Variants in MAN2A2 observed in about 807,000 individuals in gnomAD.
MAN2A2 encodes alpha-mannosidase 2x.
MAN2A2 carries 79 observed loss-of-function variants against 126.8 expected under a neutral mutation model. The ratio of observed to expected loss-of-function variants is 0.62; its 90% confidence interval spans 0.52 to 0.75. MAN2A2 has a LOEUF of 0.75. Among genes scored for constraint, MAN2A2 ranks in the 30% least tolerant of loss-of-function variants. The pLI, the probability that MAN2A2 is intolerant of heterozygous loss-of-function variation, is 0.00. For missense variants in MAN2A2, 1,392 were observed against 1,522.4 expected (o/e 0.91, Z 1.43); for synonymous variants, 671 against 618.7 (o/e 1.08, Z -1.25).
rs139860103 is a variant in MAN2A2 at position 90,910,630 on chromosome 15, C to T, written c.1707C>T (p.His569=). ...GCACATTGGGGCTCTTCCAGCATCA[C>T]GATGCCATCACTGGCACGGCCAAGG... The part of the protein sequence containing the change: ...ARRTLGLFQH[H]DAITGTAKEA... Residue 569 remains histidine (H), a synonymous_variant, in exon 11 of 23, where the codon CAC becomes CAT. Transcript: ENST00000559717. 0.014 allele frequency: 22,935 copies of T among 1,614,180 alleles called. 232 individuals carry two copies. Among genetic ancestry groups the T allele is most frequent in the Middle Eastern group, 0.019 (113 of 6,062 alleles).
At chr15:90,914,035 GA>G (rs956288407) in intron 19 of MAN2A2, among the ~76,000 whole-genome samples, 1 of 151,908 alleles carries the variant, frequency 6.6e-6, no homozygotes, top group Non-Finnish European at 1.5e-5. Context: ...CCAAAGAAAG[GA>G]AAAAAAATGT....
Position 90,912,655 on chromosome 15 carries a change from C to T in MAN2A2, c.2460C>T (p.Gly820=), listed in dbSNP as rs756715398. 8.7e-6 allele frequency: 14 copies of T among 1,613,956 alleles called. No individual in the cohort carries two copies. Among genetic ancestry groups the T allele is most frequent in the East Asian group, 4.5e-5 (2 of 44,890 alleles). The change falls in exon 16 of 23, where the codon GGC becomes GGT. Residue 820 remains glycine, a synonymous_variant. Coordinates refer to ENST00000559717, the MANE Select transcript of MAN2A2 (RefSeq NM_006122.4). ...GAGCCTACCTCTTCCTGCCCGATGG[C>T]GAGGCCAAGGTATCCTAAAGATGCC... is the stretch of plus-strand genomic sequence containing the variant. The part of the protein sequence containing the change: ...KSGAYLFLPD[G]EAKPYVPKEP...
intron 20 of MAN2A2, among the ~76,000 whole-genome samples, chr15:90,916,984 A>T (rs745732751): frequency 1.3e-5 from 2 of 152,108 alleles, no homozygotes; most frequent in Non-Finnish European, 2.9e-5. Flanking sequence ...GGCTTTGATG[A>T]ATGGGGTGTG....
Position 90,906,366 on chromosome 15 carries a change from A to G in MAN2A2, c.708-4A>G. ...CCGTCCTGAGTGTGAGTCCTTAACT[A>G]TAGGCTGGTGGGAAACGGGCAGCTG... On this transcript the variant is annotated splice_polypyrimidine_tract_variant and splice_region_variant and intron_variant, in intron 5 of 22. Coordinates refer to ENST00000559717, the MANE Select transcript of MAN2A2 (RefSeq NM_006122.4). 6.2e-7 allele frequency: 1 copy of G among 1,614,058 alleles called. No individual in the cohort carries two copies. The highest frequency in any genetic ancestry group is 8.5e-7 in the Non-Finnish European group (1 of 1,179,958).
rs764345440 is a variant in MAN2A2 at position 90,912,637 on chromosome 15, C to T, written c.2442C>T (p.Tyr814=). The T allele has an allele frequency of 1.9e-6, 3 of 1,614,176 alleles. No individual in the cohort carries two copies. Among genetic ancestry groups the T allele is most frequent in the South Asian group, 1.1e-5 (1 of 91,090 alleles). Residue 814 remains tyrosine (Y), a synonymous_variant, in exon 16 of 23, where the codon TAC becomes TAT. Transcript: ENST00000559717. Reference sequence around the variant, plus strand: ...CGTCCAAAGACAAGAGTGGAGCCTACCTCTTCCTGCCCGATGGCGAGGCCA... The same window carrying T: ...CGTCCAAAGACAAGAGTGGAGCCTATCTCTTCCTGCCCGATGGCGAGGCCA... ...TRTSKDKSGA[Y]LFLPDGEAKP...
chr15:90,913,301 A>G lies in MAN2A2; in HGVS notation c.2613A>G (p.Ser871=), dbSNP rs77668747. The change falls in exon 18 of 23, where the codon TCA becomes TCG. Residue 871 remains serine, a synonymous_variant. Transcript: ENST00000559717. ...TGGAGGGGCTGTCTCTGGACATATCATCCCTGGTGGACATCCGGGACTACG... is the reference window on the plus strand; with the variant it reads ...TGGAGGGGCTGTCTCTGGACATATCGTCCCTGGTGGACATCCGGGACTACG... ...PGVEGLSLDI[S]SLVDIRDYVN... 4.6e-4 allele frequency: 735 copies of G among 1,613,988 alleles called. 9 individuals carry two copies. The African/African-American group carries it at 8.5e-3, about 19-fold the overall frequency.
intron 1 of MAN2A2, 88 bp from the exon 2 acceptor site, chr15:90,904,102 G>A (rs1463459900): frequency 6.9e-7 from 1 of 1,442,112 alleles, no homozygotes; most frequent in Non-Finnish European, 9.7e-7. Context: ...CTTTGGAACA[G>A]CCCTCAGGAA....
chr15:90,904,270 G>A lies in MAN2A2; in HGVS notation c.63G>A (p.Ser21=), dbSNP rs775713748. Residue 21 remains serine, a synonymous_variant, in exon 2 of 23, where the codon TCG becomes TCA. Transcript: ENST00000559717. ...CCATCTTCTGTGTGGCAGTCTTCTC[G>A]CTCTACCTCATGCTGGACCGAGTGC... The part of the protein sequence containing the change: ...GAAIFCVAVF[S]LYLMLDRVQH... 23 of 1,614,060 alleles carry A rather than the reference G, an allele frequency of 1.4e-5. No individual in the cohort carries two copies. In the Admixed American group the frequency reaches 2.2e-4, roughly 15 times the overall value.
At chr15:90,908,353 C>T (rs984300383) in intron 8 of MAN2A2, among the ~76,000 whole-genome samples, 11 of 152,108 alleles carry the variant, frequency 7.2e-5, no homozygotes, top group Admixed American at 2.0e-4. Context: ...GCTGGGCCAG[C>T]GCCGCTAAGT....
chr15:90,913,153 G>C, intron 17 of MAN2A2, 120 bp from the exon 18 acceptor site: 1 of 1,334,218 alleles, frequency 7.5e-7, no homozygotes, highest in Non-Finnish European at 1.0e-6. Flanking sequence ...AATGCCCTGG[G>C]GATTTCTTGG....
rs368223581 is a variant in MAN2A2 at position 90,905,423 on chromosome 15, C to A, written c.305C>A (p.Pro102Gln). The A allele has an allele frequency of 1.2e-6, 2 of 1,613,618 alleles. No individual in the cohort carries two copies. The highest frequency in any genetic ancestry group is 2.2e-5 in the South Asian group (2 of 91,084). The change falls in exon 3 of 23, where the codon CCG becomes CAG. Residue 102 changes from proline (P) to glutamine (Q), a missense_variant. Physicochemically the swap from Pro to Gln is moderately conservative, Grantham distance 76 (BLOSUM62 -1). Transcript: ENST00000559717. ...GTCAATGGCTCCTGGGTGGTGCCAC[C>A]GGAGCCCCGGCCCAGCTTCTTCTCC... is the stretch of plus-strand genomic sequence containing the variant. ...YTVNGSWVVP[P>Q]EPRPSFFSIS...
chr15:90,918,799 G>A lies in MAN2A2; in HGVS notation c.3300+44G>A, dbSNP rs2035384321. On this transcript the variant is annotated intron_variant, in intron 22 of 22. Transcript: ENST00000559717. Reference sequence around the variant, plus strand: ...CAGAGCACCTAGGAATGGCAGGCATGAGCTTGGTAAGACTGGGCTGAGATT... The same window carrying A: ...CAGAGCACCTAGGAATGGCAGGCATAAGCTTGGTAAGACTGGGCTGAGATT... The A allele has an allele frequency of 2.9e-6, 4 of 1,379,588 alleles. No individual in the cohort carries two copies. In the East Asian group the frequency reaches 7.0e-5, roughly 24 times the overall value. The allele number at this position is 1,379,588 out of a possible 1,614,324, so 85.5% of individuals were successfully genotyped here.
intron 8 of MAN2A2, among the ~76,000 whole-genome samples, chr15:90,907,965 C>T (rs547706497): frequency 6.6e-6 from 1 of 152,126 alleles, no homozygotes; most frequent in Non-Finnish European, 1.5e-5. Context: ...AATCAGGCCC[C>T]GGGGGAAAGT....
chr15:90,918,838 G>C lies in MAN2A2; in HGVS notation c.3300+83G>C, dbSNP rs1385808276. On this transcript the variant is annotated intron_variant, in intron 22 of 22. Transcript: ENST00000559717. ...TGGGCTGAGATTCGGTGACAGGCTG[G>C]GAGAAGAAAGTGTCACTCCAGGGCT... The C allele has an allele frequency of 3.9e-6, 4 of 1,021,086 alleles. No homozygotes were observed. In the Admixed American group the frequency reaches 8.1e-5, roughly 21 times the overall value. The allele number at this position is 1,021,086 out of a possible 1,614,324, so 63.3% of individuals were successfully genotyped here.
Position 90,912,610 on chromosome 15 carries a change from T to C in MAN2A2, c.2415T>C (p.Arg805=), listed in dbSNP as rs2034844956. Residue 805 remains arginine, a synonymous_variant, in exon 16 of 23, where the codon CGT becomes CGC. Coordinates refer to ENST00000559717, the MANE Select transcript of MAN2A2 (RefSeq NM_006122.4). ...VDMQVLVYGT[R]TSKDKSGAYL... is the part of the protein sequence containing the mutation. Reference sequence around the variant, plus strand: ...TGCAGGTCCTTGTCTATGGCACCCGTACGTCCAAAGACAAGAGTGGAGCCT... The same window carrying C: ...TGCAGGTCCTTGTCTATGGCACCCGCACGTCCAAAGACAAGAGTGGAGCCT... 1 of 1,614,192 alleles carries C rather than the reference T, an allele frequency of 6.2e-7. No individual in the cohort carries two copies. The highest frequency in any genetic ancestry group is 2.2e-5 in the East Asian group (1 of 44,878).
upstream of MAN2A2, chr15:90,902,445 G>A (rs1480794752): frequency 2.6e-5 from 4 of 152,290 alleles, no homozygotes; most frequent in South Asian, 6.2e-4. Flanking sequence ...GCCGGGTGAG[G>A]CCGCGGAGAA....
Position 90,905,608 on chromosome 15 carries a change from T to C in MAN2A2, c.420T>C (p.Phe140=). ...TCACTGTGTCGGAGGAGCTGCCGTT[T>C]GACAACGTGGATGGTGGTGTGTGGA... ...QMLTVSEELP[F]DNVDGGVWRQ... is the part of the protein sequence containing the mutation. The change falls in exon 4 of 23, where the codon TTT becomes TTC. Residue 140 remains phenylalanine, a synonymous_variant. Transcript: ENST00000559717. 1 of 1,614,210 alleles carries C rather than the reference T, an allele frequency of 6.2e-7. No homozygotes were observed.
chr15:90,909,696 C>T (rs13329429), intron 9 of MAN2A2, among the ~76,000 whole-genome samples, 192 bp downstream of exon 9: 2,587 of 151,990 alleles, frequency 0.017, 61 homozygotes, highest in African/African-American at 0.053. Context: ...CTCCGCCTCC[C>T]GGGTTCACGC....
chr15:90,907,252 C>A, intron 7 of MAN2A2, 57 bp from the exon 8 acceptor site: 1 of 1,539,290 alleles, frequency 6.5e-7, no homozygotes, highest in South Asian at 1.1e-5. Flanking sequence ...AGATCCTTGC[C>A]CCCCTGGCGT....
Sources: allele counts gnomAD v4.1 joint callset (sites outside exome capture counted in the v4.1 genomes callset), GRCh38; gene constraint gnomAD v4.1.1; transcripts MANE v1.5; gene names NCBI Gene and HGNC (gene_info 2026-07-23, HGNC 2026-07-21).